MIPEP: variants seen among roughly 807,000 people sequenced by gnomAD.
The protein encoded by MIPEP is mitochondrial intermediate peptidase.
A neutral mutation model predicts 90.3 loss-of-function variants in MIPEP; 79 were observed. The ratio of observed to expected loss-of-function variants is 0.87; its 90% confidence interval spans 0.73 to 1.05. The LOEUF (loss-of-function observed/expected upper bound fraction) is 1.05, where lower values mean the gene tolerates loss of function less well. MIPEP is among the 50% of genes least tolerant of loss of function. MIPEP has a pLI of 0.00. For synonymous variants in MIPEP, 334 were observed against 315.8 expected, an observed-to-expected ratio of 1.06 and a Z score of -0.61; for missense variants, 940 against 905.6, an observed-to-expected ratio of 1.04 and a Z score of -0.49.
intron 16 of MIPEP, among the ~76,000 whole-genome samples, chr13:23,780,024 G>C (rs550884013): frequency 6.6e-6 from 1 of 152,294 alleles, no homozygotes; most frequent in East Asian, 1.9e-4. Context: ...CTCCACCTCT[G>C]GGGGCAGGAC....
intron 18 of MIPEP, among the ~76,000 whole-genome samples, chr13:23,747,987 C>T (rs1017981109): frequency 1.3e-5 from 2 of 152,140 alleles, no homozygotes; most frequent in African/African-American, 2.4e-5. Flanking sequence ...GATCAGCCCG[C>T]CTCGGCTTCC....
chr13:23,875,027 AACACAC>A (rs10595689), intron 4 of MIPEP, 118 bp from the exon 5 acceptor site: 30,926 of 390,974 alleles, frequency 0.079, 2 homozygotes, highest in East Asian at 0.1. Flanking sequence ...GTTTCTTCAA[AACACAC>A]ACACACACAC....
chr13:23,839,852 C>A, intron 11 of MIPEP, 126 bp from the exon 12 acceptor site: 1 of 576,274 alleles, frequency 1.7e-6, no homozygotes, highest in South Asian at 2.4e-5. Flanking sequence ...CATTCTACAC[C>A]CCACATTATC....
At chr13:23,754,265 A>G (rs9551004) in intron 18 of MIPEP, among the ~76,000 whole-genome samples, 30,073 of 152,142 alleles carry the variant, frequency 0.2, 3,578 homozygotes, top group East Asian at 0.43. Flanking sequence ...AGAAGCCACT[A>G]CTATGGGTCT....
intron 16 of MIPEP, among the ~76,000 whole-genome samples, chr13:23,796,893 T>G (rs1952968964): frequency 1.3e-5 from 2 of 152,184 alleles, no homozygotes; most frequent in Non-Finnish European, 2.9e-5. Context: ...AAATTACACA[T>G]AAGTTATATG....
At chr13:23,822,646 G>A (rs550933055) in intron 14 of MIPEP, among the ~76,000 whole-genome samples, 1 of 152,322 alleles carries the variant, frequency 6.6e-6, no homozygotes, top group East Asian at 1.9e-4. Context: ...ACACACAGCT[G>A]TGCAAGAGAG....
Position 23,886,495 on chromosome 13 carries a change from T to C in MIPEP, c.201A>G (p.Gly67=). The change falls in exon 2 of 19, where the codon GGA becomes GGG. Residue 67 remains glycine, a synonymous_variant. Transcript: ENST00000382172. The stretch of plus-strand genomic sequence containing the variant: ...CTTCTGGGGCACTCAGCTCAGGAAC[T>C]CCAAAAAGACCCTTAGAACCAAAGA... ...DLFGERRGLF[G]VPELSAPEGF... is the part of the protein sequence containing the mutation. 2 of 1,588,470 alleles carry C rather than the reference T, an allele frequency of 1.3e-6. No homozygotes were observed. The highest frequency in any genetic ancestry group is 1.8e-5 in the Admixed American group (1 of 56,112).
intron 16 of MIPEP, among the ~76,000 whole-genome samples, chr13:23,779,310 A>G (rs1952751371): frequency 6.6e-6 from 1 of 152,244 alleles, no homozygotes; most frequent in African/African-American, 2.4e-5. Context: ...TATCAAAGAT[A>G]GTATGTTTTC....
rs139738778 is a variant in MIPEP at position 23,812,456 on chromosome 13, G to A, written c.1654-2532C>T. ...TGGAGAAGCCGGGAAGCTGAGCCACGCTGGGTCCCATCTCCACCCTGAGAA... is the reference window on the plus strand; with the variant it reads ...TGGAGAAGCCGGGAAGCTGAGCCACACTGGGTCCCATCTCCACCCTGAGAA... On this transcript the variant is annotated intron_variant, in intron 14 of 18. Coordinates refer to ENST00000382172, the MANE Select transcript of MIPEP (RefSeq NM_005932.4). Among the ~76,000 whole-genome samples the A allele has an allele frequency of 9.2e-3, 1,333 of 145,196 alleles. 22 individuals are homozygous for A. Among genetic ancestry groups the A allele is most frequent in the African/African-American group, 0.033 (1,284 of 39,026 alleles).
chr13:23,764,863 A>G (rs1023384169), intron 16 of MIPEP, among the ~76,000 whole-genome samples: 16 of 152,192 alleles, frequency 1.1e-4, no homozygotes, highest in Non-Finnish European at 2.1e-4. Flanking sequence ...AGCCAACTAT[A>G]CTCTTAAATA....
At chr13:23,783,571 A>G (rs1285057986) in intron 16 of MIPEP, among the ~76,000 whole-genome samples, 2 of 152,214 alleles carry the variant, frequency 1.3e-5, no homozygotes, top group African/African-American at 4.8e-5. Context: ...CACCACTCCT[A>G]TTCAACATAA....
intron 14 of MIPEP, among the ~76,000 whole-genome samples, chr13:23,825,201 G>A (rs867144522): frequency 6.6e-6 from 1 of 152,150 alleles, no homozygotes; most frequent in African/African-American, 2.4e-5. Flanking sequence ...CTACTTCCCT[G>A]TTCAATGCTT....
At chr13:23,888,866 CTAT>C in intron 1 of MIPEP, 1 of 612,704 alleles carries the variant, frequency 1.6e-6, no homozygotes, top group Non-Finnish European at 2.3e-6. Flanking sequence ...CCAGAACGAA[CTAT>C]TCAGATTCAC....
intron 10 of MIPEP, among the ~76,000 whole-genome samples, chr13:23,847,825 G>A (rs1006192177): frequency 6.6e-6 from 1 of 152,066 alleles, no homozygotes; most frequent in African/African-American, 2.4e-5. Context: ...AACTGGTGAA[G>A]CAAGATCTAT....
chr13:23,768,313 A>G (rs9510852), intron 16 of MIPEP, among the ~76,000 whole-genome samples: 23,852 of 152,204 alleles, frequency 0.16, 1,992 homozygotes, highest in South Asian at 0.23. Context: ...TGTAACTTTT[A>G]ACTTTGTTTC....
At chr13:23,756,985 T>C (rs1952496437) in intron 17 of MIPEP, among the ~76,000 whole-genome samples, 1 of 152,122 alleles carries the variant, frequency 6.6e-6, no homozygotes, top group South Asian at 2.1e-4. Flanking sequence ...CGAGGGTTGA[T>C]GGGGGAGGGA....
chr13:23,785,905 G>A (rs1952834571), intron 16 of MIPEP, among the ~76,000 whole-genome samples: 1 of 151,936 alleles, frequency 6.6e-6, no homozygotes, highest in South Asian at 2.1e-4. Context: ...AAATCAGTGG[G>A]GAAAAGACGA....
chr13:23,887,237 G>GTTAC, intron 1 of MIPEP, among the ~76,000 whole-genome samples: 1 of 152,158 alleles, frequency 6.6e-6, no homozygotes, highest in Non-Finnish European at 1.5e-5. Flanking sequence ...CTGATCTAAT[G>GTTAC]GTAATGACCA....
intron 10 of MIPEP, among the ~76,000 whole-genome samples, chr13:23,848,159 C>A (rs1386051431): frequency 6.6e-6 from 1 of 152,164 alleles, no homozygotes; most frequent in Non-Finnish European, 1.5e-5. Context: ...ACTTTCCAGG[C>A]TCCATTAACA....
Sources: gnomAD v4.1 joint callset for allele counts (sites outside exome capture counted in the v4.1 genomes callset) on GRCh38, gnomAD v4.1.1 for gene constraint, MANE v1.5 for transcripts, NCBI Gene and HGNC (gene_info 2026-07-23, HGNC 2026-07-21) for gene names.